The following SMU1 variants were observed in gnomAD, a reference collection of about 807,000 sequenced individuals.
The protein encoded by SMU1 is WD40 repeat-containing protein SMU1.
A neutral mutation model predicts 62.0 loss-of-function variants in SMU1; 2 were observed. That is an observed-to-expected ratio of 0.03 (90% CI 0.01 to 0.10). SMU1 has a LOEUF of 0.10. Among genes scored for constraint, SMU1 ranks in the 10% least tolerant of loss-of-function variants. The pLI is 1.00. For missense variants in SMU1, 227 were observed against 622.1 expected (o/e 0.36, Z 6.76); for synonymous variants, 188 against 212.4 (o/e 0.89, Z 1.00).
chr9:33,057,822 C>A, intron 6 of SMU1, 108 bp from the exon 7 acceptor site: 1 of 1,422,300 alleles, frequency 7.0e-7, no homozygotes, highest in Non-Finnish European at 9.6e-7. Flanking sequence ...CTCTAAACCC[C>A]CAAAGTAAAC....
chr9:33,055,027 C>T (rs914944784), intron 9 of SMU1, among the ~76,000 whole-genome samples: 1 of 152,174 alleles, frequency 6.6e-6, no homozygotes, highest in Non-Finnish European at 1.5e-5. Context: ...GAGAGCAAAT[C>T]CCATGACTGA....
intron 10 of SMU1, among the ~76,000 whole-genome samples, chr9:33,051,976 C>T (rs1353187625): frequency 6.8e-6 from 1 of 146,246 alleles, no homozygotes; most frequent in African/African-American, 2.6e-5. Context: ...GAGATCACGC[C>T]ATTGCACTTC....
chr9:33,072,363 C>G (rs1839496300), intron 2 of SMU1, among the ~76,000 whole-genome samples: 1 of 151,998 alleles, frequency 6.6e-6, no homozygotes, highest in African/African-American at 2.4e-5. Flanking sequence ...TAATTTCAAT[C>G]CTTCAAACTC....
chr9:33,073,282 T>C (rs1392366002), intron 2 of SMU1, among the ~76,000 whole-genome samples: 2 of 151,416 alleles, frequency 1.3e-5, no homozygotes, highest in Non-Finnish European at 2.9e-5. Flanking sequence ...CCTGTGTTCC[T>C]AGCTACTCAG....
intron 9 of SMU1, 26 bp from the exon 10 acceptor site, chr9:33,053,316 A>C: frequency 6.2e-7 from 1 of 1,603,596 alleles, no homozygotes; most frequent in Admixed American, 1.7e-5. Context: ...TTAAGTTATA[A>C]ACCTTTTTTA....
At chr9:33,074,770 CTCTTT>C (rs950907450) in intron 1 of SMU1, among the ~76,000 whole-genome samples, 10 of 137,040 alleles carry the variant, frequency 7.3e-5, no homozygotes, top group African/African-American at 2.6e-4. Flanking sequence ...AGCAAACATC[CTCTTT>C]TTTTTTTTTT....
chr9:33,051,537 T>C (rs534186531), intron 10 of SMU1, among the ~76,000 whole-genome samples: 2 of 152,196 alleles, frequency 1.3e-5, no homozygotes, highest in South Asian at 2.1e-4. Flanking sequence ...GAGATACTGA[T>C]AGTGTGGAAG....
chr9:33,047,868 T>A (rs1839203746), intron 11 of SMU1, among the ~76,000 whole-genome samples: 2 of 151,866 alleles, frequency 1.3e-5, no homozygotes, highest in South Asian at 4.2e-4. Flanking sequence ...CAAAATAAAA[T>A]AAAATAAAAT....
Position 33,045,830 on chromosome 9 carries a change from G to A in SMU1, c.*1463C>T, listed in dbSNP as rs1839178346. 6.6e-6 allele frequency: 1 copy of A among 152,160 alleles called. No homozygotes were observed. Among genetic ancestry groups the A allele is most frequent in the African/African-American group, 2.4e-5 (1 of 41,424 alleles). 9.4% of individuals were successfully genotyped at this position (152,160 alleles called of 1,614,324 possible). A position where few individuals can be genotyped will look rare whatever the true frequency, so the allele number is the denominator to read the frequency against. The stretch of plus-strand genomic sequence containing the variant: ...ACTGCACTCCAGCCTGGGCAACAGA[G>A]CAAGACTCCATCTCAGAAAAATAAA... On this transcript the variant is annotated 3_prime_UTR_variant, in exon 12 of 12. Coordinates refer to ENST00000397149, the MANE Select transcript of SMU1 (RefSeq NM_018225.3).
rs749722919 is a variant in SMU1 at position 33,073,599 on chromosome 9, T to A, written c.234A>T (p.Glu78Asp). 7.5e-6 allele frequency: 12 copies of A among 1,610,130 alleles called. No individual in the cohort carries two copies. The highest frequency in any genetic ancestry group is 1.0e-5 in the Non-Finnish European group (12 of 1,178,198). The change falls in exon 2 of 12, where the codon GAA becomes GAT. Residue 78 changes from glutamate (E) to aspartate (D), a missense_variant. Glu to Asp is a conservative substitution (Grantham distance 45, BLOSUM62 2). Coordinates refer to ENST00000397149, the MANE Select transcript of SMU1 (RefSeq NM_018225.3). ...LPDKTLIDLY[E>D]QVVLELIELR... Reference sequence around the variant, plus strand: ...TCAGCATCACCACCACTCTTACCTGTTCATAGAGGTCAATGAGGGTTTTGT... The same window carrying A: ...TCAGCATCACCACCACTCTTACCTGATCATAGAGGTCAATGAGGGTTTTGT...
chr9:33,065,496 G>GA (rs532267666), intron 4 of SMU1, among the ~76,000 whole-genome samples: 6 of 152,068 alleles, frequency 3.9e-5, no homozygotes, highest in African/African-American at 1.4e-4. Context: ...AGAACAGCAA[G>GA]AAAAAAATGT....
At chr9:33,068,636 C>T (rs1199347567) in intron 4 of SMU1, among the ~76,000 whole-genome samples, 188 bp downstream of exon 4, 1 of 152,078 alleles carries the variant, frequency 6.6e-6, no homozygotes. Flanking sequence ...TCCCAAGTAA[C>T]TGAGACCACA....
chr9:33,047,858 CAAAATAAAAT>C (rs755456828), intron 11 of SMU1, among the ~76,000 whole-genome samples: 2 of 151,766 alleles, frequency 1.3e-5, no homozygotes, highest in Non-Finnish European at 2.9e-5. Flanking sequence ...GACTCCCTCT[CAAAATAAAAT>C]AAAATAAAAT....
chr9:33,053,449 GC>G, intron 9 of SMU1, 159 bp from the exon 10 acceptor site: 1 of 235,004 alleles, frequency 4.3e-6, no homozygotes, highest in Non-Finnish European at 7.0e-6. Context: ...ACCCAGCACT[GC>G]CATATACAGT....
At chr9:33,050,499 C>A in intron 10 of SMU1, among the ~76,000 whole-genome samples, 1 of 143,128 alleles carries the variant, frequency 7.0e-6, no homozygotes, top group African/African-American at 2.6e-5. Flanking sequence ...TGGTAGATGA[C>A]TGGATAAATA....
At chr9:33,069,692 C>T (rs1056041420) in intron 3 of SMU1, among the ~76,000 whole-genome samples, 3 of 152,098 alleles carry the variant, frequency 2.0e-5, no homozygotes, top group Non-Finnish European at 4.4e-5. Flanking sequence ...ATCTCAGCTA[C>T]TCGGGAGGCT....
rs544203087 is a variant in SMU1, at chr9:33,042,609, G to C, written c.*4684C>G. The C allele has an allele frequency of 6.6e-6, 1 of 152,244 alleles. No individual in the cohort carries two copies. Among genetic ancestry groups the C allele is most frequent in the South Asian group, 2.1e-4 (1 of 4,826 alleles). The allele number at this position is 152,244 out of a possible 1,614,324, so 9.4% of individuals were successfully genotyped here. ...TGGTTCTTAACCTTGGCTACCATTG[G>C]AATTACCCGGGAAACATTAAAACAC... is the stretch of plus-strand genomic sequence containing the variant. On this transcript the variant is annotated 3_prime_UTR_variant, in exon 12 of 12. Coordinates refer to ENST00000397149, the MANE Select transcript of SMU1 (RefSeq NM_018225.3).
At chr9:33,047,802 T>G (rs1839202939) in intron 11 of SMU1, among the ~76,000 whole-genome samples, 1 of 151,316 alleles carries the variant, frequency 6.6e-6, no homozygotes, top group South Asian at 2.1e-4. Context: ...GAGGTTGTAG[T>G]GAGCCGAGAT....
intron 6 of SMU1, among the ~76,000 whole-genome samples, chr9:33,060,252 T>C (rs1355946907): frequency 6.6e-6 from 1 of 152,066 alleles, no homozygotes; most frequent in African/African-American, 2.4e-5. Flanking sequence ...TGGGTTCAAC[T>C]AAGTGATCCT....
Sources: allele counts gnomAD v4.1 joint callset (sites outside exome capture counted in the v4.1 genomes callset), GRCh38; gene constraint gnomAD v4.1.1; transcripts MANE v1.5; gene names NCBI Gene and HGNC (gene_info 2026-07-23, HGNC 2026-07-21).